PRORP: variants seen among roughly 807,000 people sequenced by gnomAD.
PRORP encodes the protein protein only RNase P catalytic subunit, also known as mitochondrial ribonuclease P catalytic subunit.
Under a neutral mutation model 59.4 loss-of-function variants are expected in PRORP, and 51 were observed. That is an observed-to-expected ratio of 0.86 (90% CI 0.69 to 1.08). PRORP has a LOEUF of 1.08. Among genes scored for constraint, PRORP ranks in the 50% least tolerant of loss-of-function variants. PRORP has a pLI of 0.00. For missense variants in PRORP, 646 were observed against 690.3 expected, an observed-to-expected ratio of 0.94 and a Z score of 0.72; for synonymous variants, 231 against 245.6, an observed-to-expected ratio of 0.94 and a Z score of 0.55.
chr14:35,127,048 A>G (rs1043642004), intron 3 of PRORP, among the ~76,000 whole-genome samples: 3 of 152,080 alleles, frequency 2.0e-5, no homozygotes, highest in East Asian at 3.8e-4. Flanking sequence ...GGATTTATTT[A>G]TTTATTTAAT....
chr14:35,235,083 C>A, intron 5 of PRORP: 4 of 425,318 alleles, frequency 9.4e-6, no homozygotes, highest in South Asian at 8.0e-5. Flanking sequence ...TTACCAGTAA[C>A]CTCCAAGGGG....
rs1003438868 is a variant in PRORP, at chr14:35,277,419, A to C, written c.*3853A>C. 6.6e-6 allele frequency: 1 copy of C among 152,330 alleles called. No homozygotes were observed. Among genetic ancestry groups the C allele is most frequent in the African/African-American group, 2.4e-5 (1 of 41,452 alleles). 9.4% of individuals were successfully genotyped at this position (152,330 alleles called of 1,614,324 possible). On this transcript the variant is annotated 3_prime_UTR_variant, in exon 8 of 8. Transcript: ENST00000534898. ...AGGAAATTTGTAAAAGGCACTTAGGAGTGAGCAGAAAGGAAATAGGACCAG... is the reference window on the plus strand; with the variant it reads ...AGGAAATTTGTAAAAGGCACTTAGGCGTGAGCAGAAAGGAAATAGGACCAG...
At chr14:35,184,167 A>G (rs1292590982) in intron 5 of PRORP, among the ~76,000 whole-genome samples, 2 of 124,286 alleles carry the variant, frequency 1.6e-5, no homozygotes, top group Non-Finnish European at 3.6e-5. Context: ...TAATGAGAAG[A>G]TAACTTTTTT....
chr14:35,261,832 A>G (rs555749856), intron 5 of PRORP, among the ~76,000 whole-genome samples: 1 of 152,232 alleles, frequency 6.6e-6, no homozygotes, highest in East Asian at 1.9e-4. Flanking sequence ...TCATGGCTGG[A>G]CTGTCATGGA....
intron 4 of PRORP, among the ~76,000 whole-genome samples, chr14:35,179,066 G>T (rs2048529903): frequency 6.6e-6 from 1 of 152,118 alleles, no homozygotes; most frequent in Non-Finnish European, 1.5e-5. Flanking sequence ...TTGAATATTG[G>T]CCCCCACTCT....
rs74698469 is a variant in PRORP at position 35,263,761 on chromosome 14, G to A, written c.1276-2966G>A. Among the ~76,000 whole-genome samples the A allele has an allele frequency of 6.6e-5, 10 of 152,308 alleles. 1 individual carries two copies. The East Asian group carries it at 1.9e-3, about 29-fold the overall frequency. ...GACTATGGCTTAAAATCCTGCAGCT[G>A]TGATACCTACCATGTGCCTTACACA... On this transcript the variant is annotated intron_variant, in intron 5 of 7. Coordinates refer to ENST00000534898, the MANE Select transcript of PRORP (RefSeq NM_014672.4).
In PRORP at chr14:35,213,933, A is replaced by T. The variant is rs1055558527; in HGVS notation, c.1275+33156A>T. 5.3e-5 allele frequency among the ~76,000 whole-genome samples: 8 copies of T among 152,268 alleles called. No individual in the cohort carries two copies. In the South Asian group the frequency reaches 6.2e-4, roughly 12 times the overall value. On this transcript the variant is annotated intron_variant, in intron 5 of 7. Coordinates refer to ENST00000534898, the MANE Select transcript of PRORP (RefSeq NM_014672.4). ...TGGTACTAATAGACTTGCTAAACAC[A>T]GGACTGCCACCAATCTTCAATTTGT... is the stretch of plus-strand genomic sequence containing the variant.
chr14:35,222,030 G>A (rs115097957), intron 5 of PRORP: 135 of 152,052 alleles, frequency 8.9e-4, no homozygotes, highest in African/African-American at 3.2e-3. Flanking sequence ...CCACCTGAAC[G>A]TAACCTTGAA....
chr14:35,263,191 C>T lies in PRORP; in HGVS notation c.1276-3536C>T, dbSNP rs75200259. ...AGACTGGTAAATAGACATTAACAAT[C>T]TTTGGGTAGTGAGCTGTGAGTCATT... is the stretch of plus-strand genomic sequence containing the variant. On this transcript the variant is annotated intron_variant, in intron 5 of 7. Transcript: ENST00000534898. Among the ~76,000 whole-genome samples, 1,155 of 152,214 alleles carry T rather than the reference C, an allele frequency of 7.6e-3. 21 individuals carry two copies. Among genetic ancestry groups the T allele is most frequent in the South Asian group, 0.058 (282 of 4,822 alleles).
At position 35,232,129 on chromosome 14, in the gene PRORP, A is replaced by G. The variant is rs1342751471; in HGVS notation, c.1276-34598A>G. 2.6e-5 allele frequency among the ~76,000 whole-genome samples: 4 copies of G among 152,036 alleles called. No homozygotes were observed. The South Asian group carries it at 6.2e-4, about 24-fold the overall frequency. On this transcript the variant is annotated intron_variant, in intron 5 of 7. Coordinates refer to ENST00000534898, the MANE Select transcript of PRORP (RefSeq NM_014672.4). The stretch of plus-strand genomic sequence containing the variant: ...ATTAATATTTGGGGAGATGGTTTAT[A>G]TCATAATGAAAATCATATCTTTTAT...
rs573631431 is a variant in PRORP, at chr14:35,154,956, A to G, written c.1168-25714A>G. Among the ~76,000 whole-genome samples the G allele has an allele frequency of 7.9e-4, 120 of 152,146 alleles. 2 individuals carry two copies. The South Asian group carries it at 0.023, about 30-fold the overall frequency. Reference sequence around the variant, plus strand: ...GTTACCCAGGCTGGAGTGCAGTGGCACAATCACAGCTCACCACAGCCTCAA... The same window carrying G: ...GTTACCCAGGCTGGAGTGCAGTGGCGCAATCACAGCTCACCACAGCCTCAA... On this transcript the variant is annotated intron_variant, in intron 4 of 7. Coordinates refer to ENST00000534898, the MANE Select transcript of PRORP (RefSeq NM_014672.4).
At chr14:35,131,194 C>T (rs557894421) in intron 4 of PRORP, among the ~76,000 whole-genome samples, 76 of 150,114 alleles carry the variant, frequency 5.1e-4, no homozygotes, top group African/African-American at 9.8e-4. Flanking sequence ...CCACCCACCT[C>T]GGCCTCCCAA....
At chr14:35,267,678 G>T (rs1057375769) in intron 6 of PRORP, among the ~76,000 whole-genome samples, 4 of 152,104 alleles carry the variant, frequency 2.6e-5, no homozygotes, top group African/African-American at 9.7e-5. Context: ...ATACTGAGGA[G>T]GCTGAGGCAG....
intron 5 of PRORP, among the ~76,000 whole-genome samples, chr14:35,197,955 T>G (rs1337174406): frequency 1.3e-5 from 2 of 152,196 alleles, no homozygotes; most frequent in East Asian, 1.9e-4. Context: ...GATGATAACA[T>G]GATCACTTAA....
At chr14:35,239,772 A>T (rs1315440441) in intron 5 of PRORP, among the ~76,000 whole-genome samples, 1 of 152,122 alleles carries the variant, frequency 6.6e-6, no homozygotes, top group African/African-American at 2.4e-5. Context: ...TCTGGCCTCT[A>T]TAGAATAAAT....
At chr14:35,170,926 C>T (rs754717982) in intron 4 of PRORP, among the ~76,000 whole-genome samples, 1 of 151,742 alleles carries the variant, frequency 6.6e-6, no homozygotes, top group Non-Finnish European at 1.5e-5. Context: ...CTCGGCTCAC[C>T]GCAACCTCTG....
At chr14:35,222,675 CA>C (rs952940056) in intron 5 of PRORP, 1 of 152,200 alleles carries the variant, frequency 6.6e-6, no homozygotes, top group Non-Finnish European at 1.5e-5. Context: ...GTTCTTTGCC[CA>C]AGTTCTGATT....
intron 4 of PRORP, among the ~76,000 whole-genome samples, chr14:35,177,509 A>G (rs2048484102): frequency 6.6e-6 from 1 of 152,118 alleles, no homozygotes; most frequent in Non-Finnish European, 1.5e-5. Flanking sequence ...CATTTCTTCT[A>G]GATTTTCTAG....
intron 4 of PRORP, among the ~76,000 whole-genome samples, chr14:35,176,709 T>A (rs543449236): frequency 1.1e-4 from 17 of 152,306 alleles, no homozygotes; most frequent in African/African-American, 3.8e-4. Context: ...TGACTTCTTC[T>A]TTTCCTAATT....
Sources: gnomAD v4.1 joint callset for allele counts (sites outside exome capture counted in the v4.1 genomes callset) on GRCh38, gnomAD v4.1.1 for gene constraint, MANE v1.5 for transcripts, NCBI Gene and HGNC (gene_info 2026-07-23, HGNC 2026-07-21) for gene names.